CEACAM20: variants seen among roughly 807,000 people sequenced by gnomAD.
CEACAM20 encodes the protein CEA cell adhesion molecule 20, also known as cell adhesion molecule CEACAM20.
CEACAM20 carries 50 observed loss-of-function variants against 61.2 expected under a neutral mutation model. That is an observed-to-expected ratio of 0.82 (90% CI 0.65 to 1.03). The LOEUF (loss-of-function observed/expected upper bound fraction) is 1.03, where lower values mean the gene tolerates loss of function less well. Among genes scored for constraint, CEACAM20 ranks in the 50% least tolerant of loss-of-function variants. The probability of loss-of-function intolerance (pLI) is 0.00; values close to 1 mark genes in which losing one functional copy is unlikely to be tolerated. For synonymous variants in CEACAM20, 282 were observed against 287.7 expected (o/e 0.98, Z 0.20); for missense variants, 683 against 736.4 (o/e 0.93, Z 0.84).
intron 11 of CEACAM20, among the ~76,000 whole-genome samples, chr19:44,510,584 GAAAGAAAGAAAGAAAGAAAGAAAGAA>G (rs1449409058): frequency 4.2e-5 from 2 of 47,594 alleles, no homozygotes; most frequent in Non-Finnish European, 7.5e-5. Context: ...AAGAAAGAAA[GAAAGAAAGAAAGAAAGAAAGAAAGAA>G]AAAGGAAGGA....
chr19:44,510,867 A>G, intron 11 of CEACAM20, 163 bp downstream of exon 11: 1 of 782,086 alleles, frequency 1.3e-6, no homozygotes, highest in Non-Finnish European at 2.0e-6. Flanking sequence ...AAGTAAAACC[A>G]ACTAGAAAAT....
chr19:44,529,363 C>T, intron 1 of CEACAM20, 95 bp downstream of exon 1: 2 of 726,102 alleles, frequency 2.8e-6, no homozygotes, highest in South Asian at 2.2e-5. Flanking sequence ...TGCACACACA[C>T]ACACACACAC....
chr19:44,513,345 C>T, intron 6 of CEACAM20, 56 bp from the exon 7 acceptor site: 2 of 1,178,728 alleles, frequency 1.7e-6, no homozygotes, highest in Non-Finnish European at 2.5e-6. Flanking sequence ...TCCCTGCTCC[C>T]AGCCCGTTCC....
chr19:44,509,232 A>G (rs1970902257), intron 11 of CEACAM20, among the ~76,000 whole-genome samples: 2 of 152,208 alleles, frequency 1.3e-5, no homozygotes, highest in African/African-American at 2.4e-5. Flanking sequence ...ATAAAGTAAA[A>G]TAAAATGGAG....
chr19:44,522,588 T>G (rs1971397106), intron 4 of CEACAM20, 46 bp downstream of exon 4: 1 of 1,588,392 alleles, frequency 6.3e-7, no homozygotes, highest in East Asian at 2.3e-5. Flanking sequence ...GGCCAGCATC[T>G]GACGCTCAGA....
chr19:44,510,547 G>GAAA (rs1568446129), intron 11 of CEACAM20, among the ~76,000 whole-genome samples: 1 of 52,770 alleles, frequency 1.9e-5, no homozygotes, highest in Non-Finnish European at 3.7e-5. Flanking sequence ...AAGGAAGGAA[G>GAAA]GAAAGAAAGA....
In CEACAM20 at chr19:44,529,596, C is replaced by T; in HGVS notation, c.-87G>A. 9.3e-7 allele frequency: 1 copy of T among 1,077,590 alleles called. No homozygotes were observed. The highest frequency in any genetic ancestry group is 1.4e-6 in the Non-Finnish European group (1 of 710,468). 66.8% of individuals were successfully genotyped at this position (1,077,590 alleles called of 1,614,324 possible). A position where few individuals can be genotyped will look rare whatever the true frequency, so the allele number is the denominator to read the frequency against. On this transcript the variant is annotated 5_prime_UTR_variant, in exon 1 of 12. Transcript: ENST00000614924. ...TACAGTCCTCACTCCAGGTGCAGCC[C>T]CTCCACCTCCCTTCTCTCCTCTCCC...
At chr19:44,507,964 C>G (rs1970866293) in intron 11 of CEACAM20, among the ~76,000 whole-genome samples, 1 of 152,226 alleles carries the variant, frequency 6.6e-6, no homozygotes, top group Non-Finnish European at 1.5e-5. Flanking sequence ...AGGCTAAAAT[C>G]TACCCTTCTT....
intron 1 of CEACAM20, among the ~76,000 whole-genome samples, chr19:44,528,078 C>G (rs1287996923): frequency 6.6e-6 from 1 of 151,342 alleles, no homozygotes; most frequent in Non-Finnish European, 1.5e-5. Flanking sequence ...CTTTCCCTGT[C>G]TCTTTGTCCT....
Position 44,522,729 on chromosome 19 carries a change from G to A in CEACAM20, c.656C>T (p.Ala219Val), listed in dbSNP as rs755981556. 1 of 1,613,942 alleles carries A rather than the reference G, an allele frequency of 6.2e-7. No homozygotes were observed. The highest frequency in any genetic ancestry group is 8.5e-7 in the Non-Finnish European group (1 of 1,179,868). ...CAGGCCCTCATGTTCTCTGGACACA[G>A]CATGGATGGTGAATGTTCTCGTGGT... ...SHTTRTFTIH[A>V]VSREHEGLYR... Residue 219 changes from alanine to valine, a missense_variant, in exon 4 of 12, where the codon GCT (alanine) becomes GTT (valine). Transcript: ENST00000614924.
intron 1 of CEACAM20, among the ~76,000 whole-genome samples, chr19:44,528,175 C>CTTTCT (rs1971591152): frequency 7.5e-6 from 1 of 132,734 alleles, no homozygotes; most frequent in African/African-American, 2.5e-5. Flanking sequence ...TCTTTCCTTT[C>CTTTCT]TTTCTTTCCT....
At chr19:44,519,863 C>G (rs758863848) in intron 5 of CEACAM20, among the ~76,000 whole-genome samples, 1 of 152,190 alleles carries the variant, frequency 6.6e-6, no homozygotes, top group Non-Finnish European at 1.5e-5. Context: ...TACCTGAGTG[C>G]ATCCAGGAAA....
At chr19:44,517,717 A>G (rs1389132945) in intron 5 of CEACAM20, among the ~76,000 whole-genome samples, 1 of 151,486 alleles carries the variant, frequency 6.6e-6, no homozygotes. Context: ...AAAAAAGAAA[A>G]AAAACTGCCT....
intron 11 of CEACAM20, among the ~76,000 whole-genome samples, chr19:44,510,627 A>G (rs574212070): frequency 5.4e-4 from 74 of 137,574 alleles, no homozygotes; most frequent in African/African-American, 1.5e-3. Context: ...AGGAAGGAAG[A>G]AAGAAAGAGA....
chr19:44,517,834 CG>C (rs1383948305), intron 5 of CEACAM20, among the ~76,000 whole-genome samples: 1 of 151,824 alleles, frequency 6.6e-6, no homozygotes, highest in Non-Finnish European at 1.5e-5. Context: ...TCTGGGAAGC[CG>C]AGGTAGGTGG....
At position 44,529,615 on chromosome 19, in the gene CEACAM20, C is replaced by G. The variant is rs1971653708; in HGVS notation, c.-106G>C. On this transcript the variant is annotated 5_prime_UTR_variant, in exon 1 of 12. Transcript: ENST00000614924. ...GCAGCCCCTCCACCTCCCTTCTCTC[C>G]TCTCCCACCCTGCTACAAACTCACA... 7 of 845,704 alleles carry G rather than the reference C, an allele frequency of 8.3e-6. No homozygotes were observed. The highest frequency in any genetic ancestry group is 1.4e-5 in the Non-Finnish European group (7 of 515,668). 52.4% of individuals were successfully genotyped at this position (845,704 alleles called of 1,614,324 possible). A position where few individuals can be genotyped will look rare whatever the true frequency, so the allele number is the denominator to read the frequency against.
chr19:44,524,977 G>C, intron 2 of CEACAM20, 124 bp downstream of exon 2: 1 of 1,229,494 alleles, frequency 8.1e-7, no homozygotes, highest in Non-Finnish European at 1.1e-6. Flanking sequence ...GACTGAACCA[G>C]TTGTTGCTGG....
At position 44,524,199 on chromosome 19, in the gene CEACAM20, T is replaced by A. The variant is rs1342519410; in HGVS notation, c.259A>T (p.Thr87Ser). The stretch of plus-strand genomic sequence containing the variant: ...ACGTCCTTAGTGGTGCAGTAGAAGG[T>A]CACCATGTCCTTCTGCTCTATGGCA... ...GTAIEQKDMV[T>S]FYCTTKDVNI... Residue 87 changes from threonine to serine, a missense_variant, in exon 3 of 12, where the codon ACC becomes TCC. Transcript: ENST00000614924. The A allele has an allele frequency of 6.2e-7, 1 of 1,613,826 alleles. No individual in the cohort carries two copies. The highest frequency in any genetic ancestry group is 1.1e-5 in the South Asian group (1 of 91,080).
At chr19:44,510,530 T>A (rs1449688033) in intron 11 of CEACAM20, among the ~76,000 whole-genome samples, 335 of 36,912 alleles carry the variant, frequency 9.1e-3, no homozygotes, top group Middle Eastern at 0.033. Flanking sequence ...AAAAGAAAGA[T>A]GAAAGGAAGG....
Sources: allele counts gnomAD v4.1 joint callset (sites outside exome capture counted in the v4.1 genomes callset), GRCh38; gene constraint gnomAD v4.1.1; transcripts MANE v1.5; gene names NCBI Gene and HGNC (gene_info 2026-07-23, HGNC 2026-07-21).